The following CTNNAL1 variants were observed in gnomAD, a reference collection of about 807,000 sequenced individuals.
CTNNAL1 encodes the protein catenin alpha like 1, also known as alpha-catulin.
A neutral mutation model predicts 93.6 loss-of-function variants in CTNNAL1; 69 were observed. The observed-to-expected ratio is 0.74, with a 90% CI of 0.61 to 0.90. The LOEUF is 0.90. Among genes scored for constraint, CTNNAL1 ranks in the 40% least tolerant of loss-of-function variants. CTNNAL1 has a pLI of 0.00. For missense variants in CTNNAL1, 836 were observed against 862.0 expected, an observed-to-expected ratio of 0.97 and a Z score of 0.38; for synonymous variants, 286 against 305.4, an observed-to-expected ratio of 0.94 and a Z score of 0.66.
intron 8 of CTNNAL1, 35 bp from the exon 9 acceptor site, chr9:108,972,868 G>GGGGGGCCCCCCCCCGGGC: frequency 9.2e-7 from 1 of 1,092,790 alleles, no homozygotes; most frequent in Non-Finnish European, 1.2e-6. Context: ...GGGTGGGAGG[G>GGGGGGCCCCCCCCCGGGC]TGGAGAAGGA....
chr9:109,004,255 A>G (rs1326243396), intron 1 of CTNNAL1, among the ~76,000 whole-genome samples: 1 of 152,154 alleles, frequency 6.6e-6, no homozygotes, highest in African/African-American at 2.4e-5. Context: ...AATTCTAGAG[A>G]CCGTACTCCT....
chr9:108,977,145 A>T (rs562589298), intron 7 of CTNNAL1, 97 bp from the exon 8 acceptor site: 7 of 532,378 alleles, frequency 1.3e-5, no homozygotes, highest in Non-Finnish European at 2.3e-5. Context: ...AAATTTTAAT[A>T]CTATTCTGTG....
intron 8 of CTNNAL1, among the ~76,000 whole-genome samples, chr9:108,974,978 C>G (rs368850366): frequency 2.0e-4 from 31 of 152,148 alleles, no homozygotes; most frequent in African/African-American, 6.5e-4. Context: ...GCCTGGCCAA[C>G]ATGGTGAAAC....
chr9:108,994,823 T>G (rs927834059), intron 2 of CTNNAL1, among the ~76,000 whole-genome samples: 3 of 152,190 alleles, frequency 2.0e-5, no homozygotes, highest in African/African-American at 7.2e-5. Flanking sequence ...TGGGTTGCTC[T>G]CTCTCTCTGA....
intron 10 of CTNNAL1, among the ~76,000 whole-genome samples, chr9:108,969,373 A>T (rs368040604): frequency 3.3e-5 from 5 of 152,198 alleles, no homozygotes; most frequent in African/African-American, 1.2e-4. Context: ...GGCTTTTGAA[A>T]ATTATAAGGA....
intron 8 of CTNNAL1, among the ~76,000 whole-genome samples, chr9:108,974,671 A>G (rs906141212): frequency 6.6e-6 from 1 of 152,140 alleles, no homozygotes; most frequent in African/African-American, 2.4e-5. Context: ...CCCTATCTCT[A>G]CAAAAAATTA....
At chr9:108,946,103 A>C (rs879312169) in intron 15 of CTNNAL1, among the ~76,000 whole-genome samples, 37 of 152,154 alleles carry the variant, frequency 2.4e-4, no homozygotes, top group South Asian at 1.2e-3. Flanking sequence ...GATCGAGACC[A>C]TCCTGGCCAA....
chr9:108,972,864 G>GGGCCCCCCCC, intron 8 of CTNNAL1, 31 bp from the exon 9 acceptor site: 92 of 142,052 alleles, frequency 6.5e-4, no homozygotes, highest in Middle Eastern at 1.9e-3. Flanking sequence ...GGGGGGGTGG[G>GGGCCCCCCCC]AGGGTGGAGA....
intron 14 of CTNNAL1, among the ~76,000 whole-genome samples, chr9:108,951,292 G>A (rs775862390): frequency 6.6e-5 from 10 of 151,768 alleles, no homozygotes; most frequent in Non-Finnish European, 1.5e-4. Flanking sequence ...TGGGATTACA[G>A]GCGTGAGCCA....
chr9:108,955,740 T>C (rs1189990703), intron 12 of CTNNAL1, 50 bp downstream of exon 12: 11 of 1,496,852 alleles, frequency 7.3e-6, no homozygotes, highest in Admixed American at 1.8e-5. Context: ...AGAGCATAAT[T>C]TGAATTCTGA....
At chr9:109,011,454 T>C (rs1827201360) in intron 1 of CTNNAL1, among the ~76,000 whole-genome samples, 1 of 152,154 alleles carries the variant, frequency 6.6e-6, no homozygotes, top group Non-Finnish European at 1.5e-5. Context: ...CTTCCTCTGC[T>C]CTCCTACCCT....
At chr9:108,972,864 G>GGGGGGCCCA in intron 8 of CTNNAL1, 31 bp from the exon 9 acceptor site, 2 of 142,588 alleles carry the variant, frequency 1.4e-5, no homozygotes, top group Non-Finnish European at 2.0e-5. Flanking sequence ...GGGGGGGTGG[G>GGGGGGCCCA]AGGGTGGAGA....
At chr9:108,967,354 T>C (rs1830984299) in intron 10 of CTNNAL1, among the ~76,000 whole-genome samples, 1 of 151,908 alleles carries the variant, frequency 6.6e-6, no homozygotes, top group Non-Finnish European at 1.5e-5. Context: ...GTGATGTTGT[T>C]GTTCCATGGA....
At chr9:108,984,064 C>T (rs1399825388) in intron 5 of CTNNAL1, among the ~76,000 whole-genome samples, 1 of 152,100 alleles carries the variant, frequency 6.6e-6, no homozygotes, top group Non-Finnish European at 1.5e-5. Context: ...CTGGAAAAAC[C>T]CTGCAGGCAG....
intron 2 of CTNNAL1, among the ~76,000 whole-genome samples, chr9:108,998,443 T>C (rs1347829451): frequency 6.6e-6 from 1 of 152,050 alleles, no homozygotes; most frequent in Non-Finnish European, 1.5e-5. Context: ...TATATATTCA[T>C]TTATGATCTG....
At chr9:108,985,692 C>T (rs563601989) in intron 4 of CTNNAL1, among the ~76,000 whole-genome samples, 2 of 152,282 alleles carry the variant, frequency 1.3e-5, no homozygotes, top group South Asian at 4.1e-4. Flanking sequence ...CAGATAAAGG[C>T]TGAGGTTGCT....
intron 10 of CTNNAL1, among the ~76,000 whole-genome samples, chr9:108,968,677 T>G (rs1214456779): frequency 6.6e-6 from 1 of 152,210 alleles, no homozygotes; most frequent in Non-Finnish European, 1.5e-5. Flanking sequence ...CCTGCTTTCA[T>G]GATAAGCCTT....
At chr9:108,961,075 T>C (rs202053295) in intron 11 of CTNNAL1, among the ~76,000 whole-genome samples, 4 of 89,940 alleles carry the variant, frequency 4.4e-5, no homozygotes, top group African/African-American at 1.8e-4. Context: ...TGAATGATAC[T>C]TACAAGTATG....
At chr9:109,002,185 CA>C (rs1475621817) in intron 1 of CTNNAL1, among the ~76,000 whole-genome samples, 1 of 152,130 alleles carries the variant, frequency 6.6e-6, no homozygotes, top group Non-Finnish European at 1.5e-5. Context: ...AGGATCAAGG[CA>C]CCAACAGATT....
Sources: allele counts gnomAD v4.1 joint callset (sites outside exome capture counted in the v4.1 genomes callset), GRCh38; gene constraint gnomAD v4.1.1; transcripts MANE v1.5; gene names NCBI Gene and HGNC (gene_info 2026-07-23, HGNC 2026-07-21).